GRIP1: variants seen among roughly 807,000 people sequenced by gnomAD.
GRIP1 encodes glutamate receptor-interacting protein 1.
A neutral mutation model predicts 129.9 loss-of-function variants in GRIP1; 45 were observed. The observed-to-expected ratio is 0.35, with a 90% CI of 0.27 to 0.44. The LOEUF (loss-of-function observed/expected upper bound fraction) is 0.44. Ranked by LOEUF, GRIP1 falls within the 20% of genes least tolerant of loss-of-function variation. The pLI, the probability that GRIP1 is intolerant of heterozygous loss-of-function variation, is 1.00. For synonymous variants in GRIP1, 530 were observed against 520.8 expected, an observed-to-expected ratio of 1.02 and a Z score of -0.24; for missense variants, 1,196 against 1,396.8, an observed-to-expected ratio of 0.86 and a Z score of 2.29.
chr12:66,539,062 G>A lies in GRIP1; in HGVS notation c.418+16C>T. The A allele has an allele frequency of 1.2e-6, 2 of 1,610,244 alleles. No individual in the cohort carries two copies. The highest frequency in any genetic ancestry group is 1.7e-6 in the Non-Finnish European group (2 of 1,176,554). On this transcript the variant is annotated intron_variant, in intron 4 of 24. Coordinates refer to ENST00000359742, the MANE Select transcript of GRIP1 (RefSeq NM_001366722.1). The stretch of plus-strand genomic sequence containing the variant: ...GGAATGTATCCCCTATGGATAAGGG[G>A]GGCTACTGTACTTACAGACCGGTGG...
chr12:66,596,673 T>G (rs918553553), intron 2 of GRIP1, among the ~76,000 whole-genome samples, 174 bp downstream of exon 2: 2 of 152,252 alleles, frequency 1.3e-5, no homozygotes, highest in Admixed American at 6.5e-5. Flanking sequence ...TTTTCCAAAG[T>G]CTAGCTTTTA....
At chr12:66,360,821 A>G (rs1296678602) in intron 23 of GRIP1, among the ~76,000 whole-genome samples, 1 of 152,170 alleles carries the variant, frequency 6.6e-6, no homozygotes, top group African/African-American at 2.4e-5. Flanking sequence ...TTTAAGGGCA[A>G]TTGCATCTGC....
At chr12:66,921,907 A>T (rs942230077) in intron 1 of GRIP1, among the ~76,000 whole-genome samples, 1 of 152,220 alleles carries the variant, frequency 6.6e-6, no homozygotes, top group Non-Finnish European at 1.5e-5. Context: ...GTCACTAAAA[A>T]GTAGCTACAG....
chr12:66,770,957 T>C (rs1268040770), intron 1 of GRIP1, among the ~76,000 whole-genome samples: 1 of 152,036 alleles, frequency 6.6e-6, no homozygotes, highest in Non-Finnish European at 1.5e-5. Context: ...TAGCCAGGCA[T>C]GGTGGTGCGC....
At chr12:66,685,599 T>C (rs1440975294) in intron 1 of GRIP1, among the ~76,000 whole-genome samples, 5 of 152,160 alleles carry the variant, frequency 3.3e-5, no homozygotes, top group Non-Finnish European at 7.3e-5. Context: ...GCTTATGCGC[T>C]ACTAGGAAGG....
intron 7 of GRIP1, among the ~76,000 whole-genome samples, chr12:66,509,970 A>G (rs990464708): frequency 6.6e-6 from 1 of 151,942 alleles, no homozygotes; most frequent in Non-Finnish European, 1.5e-5. Context: ...AAGAAAAAAA[A>G]AAGATGCTCA....
At chr12:67,044,317 T>C (rs999969101) in intron 1 of GRIP1, among the ~76,000 whole-genome samples, 2 of 152,208 alleles carry the variant, frequency 1.3e-5, no homozygotes, top group African/African-American at 4.8e-5. Context: ...TGCTCCCAAC[T>C]TGAGAGAACT....
At chr12:66,779,838 T>C (rs2038099599) in intron 1 of GRIP1, among the ~76,000 whole-genome samples, 1 of 152,216 alleles carries the variant, frequency 6.6e-6, no homozygotes, top group African/African-American at 2.4e-5. Context: ...GAAGCTACTG[T>C]AGACAGGAAG....
At chr12:66,977,213 T>G (rs1183289612) in intron 1 of GRIP1, among the ~76,000 whole-genome samples, 4 of 151,816 alleles carry the variant, frequency 2.6e-5, no homozygotes, top group Non-Finnish European at 1.5e-5. Flanking sequence ...TTTTTTTTTT[T>G]GTCAAATCAT....
chr12:66,595,622 T>A (rs1215151900), intron 2 of GRIP1, among the ~76,000 whole-genome samples: 2 of 152,186 alleles, frequency 1.3e-5, no homozygotes, highest in Non-Finnish European at 2.9e-5. Context: ...CTGTAATAGT[T>A]TTTCTAAATG....
chr12:66,687,501 G>A (rs1303495114), intron 1 of GRIP1, among the ~76,000 whole-genome samples: 1 of 151,904 alleles, frequency 6.6e-6, no homozygotes, highest in South Asian at 2.1e-4. Flanking sequence ...CACCCCCTAT[G>A]CCAGCCACCA....
chr12:66,914,203 T>G (rs887900007), intron 1 of GRIP1, among the ~76,000 whole-genome samples: 1 of 152,150 alleles, frequency 6.6e-6, no homozygotes, highest in Non-Finnish European at 1.5e-5. Flanking sequence ...ACCTAAGATA[T>G]CTAACTCAAA....
At chr12:66,691,438 T>A (rs572837111) in intron 1 of GRIP1, among the ~76,000 whole-genome samples, 1 of 152,292 alleles carries the variant, frequency 6.6e-6, no homozygotes, top group Admixed American at 6.5e-5. Flanking sequence ...AGGGAGGAAT[T>A]TACTTTCAAG....
intron 1 of GRIP1, among the ~76,000 whole-genome samples, chr12:66,772,843 T>C (rs113061759): frequency 2.3e-3 from 349 of 151,918 alleles, no homozygotes; most frequent in African/African-American, 8.0e-3. Context: ...AGACTGATTA[T>C]TGAAACCCAC....
chr12:66,411,645 A>G (rs978816661), intron 15 of GRIP1, among the ~76,000 whole-genome samples: 4 of 152,218 alleles, frequency 2.6e-5, no homozygotes, highest in African/African-American at 9.7e-5. Context: ...CTGAATTGGC[A>G]GAAGTAGGCT....
At chr12:67,008,707 T>C (rs959005680) in intron 1 of GRIP1, among the ~76,000 whole-genome samples, 2 of 152,160 alleles carry the variant, frequency 1.3e-5, no homozygotes, top group Non-Finnish European at 2.9e-5. Flanking sequence ...CTGTGTGATA[T>C]ACAGGAAGTG....
chr12:66,942,681 G>A (rs1191285095), intron 1 of GRIP1, among the ~76,000 whole-genome samples: 1 of 152,150 alleles, frequency 6.6e-6, no homozygotes, highest in Admixed American at 6.5e-5. Context: ...TGCATTGTGA[G>A]CCTGTGACTT....
chr12:66,608,034 G>A (rs1157770337), intron 1 of GRIP1, among the ~76,000 whole-genome samples: 4 of 152,058 alleles, frequency 2.6e-5, no homozygotes, highest in African/African-American at 9.7e-5. Flanking sequence ...AGGGAGGCAG[G>A]GGCAGAAATC....
intron 2 of GRIP1, among the ~76,000 whole-genome samples, chr12:66,587,779 T>C (rs1368398636): frequency 6.6e-6 from 1 of 152,136 alleles, no homozygotes; most frequent in African/African-American, 2.4e-5. Context: ...AAGGGATCAA[T>C]GTGTCAGTGG....
Sources: allele counts gnomAD v4.1 joint callset (sites outside exome capture counted in the v4.1 genomes callset), GRCh38; gene constraint gnomAD v4.1.1; transcripts MANE v1.5; gene names NCBI Gene and HGNC (gene_info 2026-07-23, HGNC 2026-07-21).